LIMCH1: variants seen among roughly 807,000 people sequenced by gnomAD.
LIMCH1 encodes the protein LIM and calponin homology domains 1, also known as LIM and calponin homology domains-containing protein 1.
LIMCH1 carries 113 observed loss-of-function variants against 176.5 expected under a neutral mutation model. The observed-to-expected ratio is 0.64, with a 90% CI of 0.55 to 0.75. The LOEUF (loss-of-function observed/expected upper bound fraction) is 0.75. Ranked by LOEUF, LIMCH1 falls within the 30% of genes least tolerant of loss-of-function variation. The pLI, the probability that LIMCH1 is intolerant of heterozygous loss-of-function variation, is 0.00. For missense variants in LIMCH1, 1,674 were observed against 1,814.9 expected, an observed-to-expected ratio of 0.92 and a Z score of 1.41; for synonymous variants, 619 against 645.9, an observed-to-expected ratio of 0.96 and a Z score of 0.63.
At chr4:41,682,569 G>C (rs1231623507) in intron 26 of LIMCH1, 109 bp downstream of exon 26, 8 of 989,220 alleles carry the variant, frequency 8.1e-6, no homozygotes, top group Non-Finnish European at 1.2e-5. Context: ...GCTTCGAAAT[G>C]AATGTTCCAG....
intron 1 of LIMCH1, among the ~76,000 whole-genome samples, chr4:41,565,308 C>A (rs1032927242): frequency 4.0e-5 from 6 of 148,560 alleles, no homozygotes; most frequent in African/African-American, 1.5e-4. Context: ...CATGGGTTGG[C>A]ATCTTAGGAA....
intron 2 of LIMCH1, among the ~76,000 whole-genome samples, chr4:41,601,673 T>C (rs1447257470): frequency 6.6e-6 from 1 of 152,192 alleles, no homozygotes; most frequent in Non-Finnish European, 1.5e-5. Context: ...CATAAAGAAT[T>C]TTATCTTAAA....
chr4:41,594,140 G>T (rs1441058022), intron 1 of LIMCH1, among the ~76,000 whole-genome samples: 4 of 152,184 alleles, frequency 2.6e-5, no homozygotes, highest in Non-Finnish European at 4.4e-5. Context: ...ATCATCCAAT[G>T]TGCAGTTTAT....
intron 1 of LIMCH1, among the ~76,000 whole-genome samples, chr4:41,581,805 C>CAAAAAAAAAAAAAAAAAAAAAAAA (rs56150312): frequency 2.6e-4 from 20 of 76,184 alleles, no homozygotes; most frequent in Admixed American, 3.5e-4. Context: ...GACTCTGTCT[C>CAAAAAAAAAAAAAAAAAAAAAAAA]AAAAAAAAAA....
At chr4:41,453,297 C>T (rs1011459365) in intron 1 of LIMCH1, among the ~76,000 whole-genome samples, 25 of 152,184 alleles carry the variant, frequency 1.6e-4, no homozygotes, top group African/African-American at 5.8e-4. Flanking sequence ...CTGAACCCCA[C>T]CTAGTCAAAA....
intron 13 of LIMCH1, among the ~76,000 whole-genome samples, chr4:41,634,516 G>A (rs1275489700): frequency 6.6e-6 from 1 of 152,198 alleles, no homozygotes; most frequent in Non-Finnish European, 1.5e-5. Context: ...GGCAGAGTGG[G>A]AGGCAAGGAG....
chr4:41,530,894 C>T (rs1209319671), intron 3 of LIMCH1, among the ~76,000 whole-genome samples: 1 of 130,600 alleles, frequency 7.7e-6, no homozygotes, highest in Non-Finnish European at 1.5e-5. Flanking sequence ...AAAGTTACCA[C>T]AGTGATAACC....
chr4:41,585,986 C>T lies in LIMCH1; in HGVS notation c.-240-12934C>T, dbSNP rs574257365. On this transcript the variant is annotated intron_variant, in intron 1 of 31. Transcript: ENST00000503057. ...ATAAAAGTTTTTAAATGCTTCACTT[C>T]GCTTCTCTTCTGTCTTCTTTTCTCT... 4.0e-5 allele frequency among the ~76,000 whole-genome samples: 6 copies of T among 149,814 alleles called. No homozygotes were observed. The East Asian group carries it at 7.7e-4, about 19-fold the overall frequency.
chr4:41,538,448 T>A (rs904967257), intron 1 of LIMCH1, 98 bp downstream of exon 1: 3 of 694,952 alleles, frequency 4.3e-6, no homozygotes, highest in Admixed American at 1.3e-4. Context: ...TAAAAAAAAG[T>A]GACTTTTTAT....
intron 18 of LIMCH1, among the ~76,000 whole-genome samples, chr4:41,651,915 G>A (rs536838358): frequency 6.6e-6 from 1 of 152,302 alleles, no homozygotes; most frequent in East Asian, 1.9e-4. Flanking sequence ...AAAGACTCAT[G>A]CTGGTTTCAC....
chr4:41,613,193 CTT>C (rs199600927), intron 4 of LIMCH1: 24 of 965,412 alleles, frequency 2.5e-5, no homozygotes, highest in Admixed American at 1.3e-4. Flanking sequence ...TTTCTCTACT[CTT>C]TTTTTTTTAA....
chr4:41,551,931 G>A (rs369349062), intron 1 of LIMCH1, among the ~76,000 whole-genome samples: 42 of 152,212 alleles, frequency 2.8e-4, no homozygotes, highest in Non-Finnish European at 4.6e-4. Context: ...GTCTGTTCTC[G>A]TGCTGCTAAT....
intron 1 of LIMCH1, among the ~76,000 whole-genome samples, chr4:41,559,522 C>T (rs1256797178): frequency 6.6e-6 from 1 of 152,122 alleles, no homozygotes; most frequent in Non-Finnish European, 1.5e-5. Context: ...GCTGCATCCT[C>T]CGACTCCCGT....
intron 1 of LIMCH1, among the ~76,000 whole-genome samples, chr4:41,484,801 T>G (rs578052286): frequency 6.6e-6 from 1 of 152,334 alleles, no homozygotes; most frequent in African/African-American, 2.4e-5. Flanking sequence ...GAATCTCCTC[T>G]TAAGATCATT....
At position 41,644,566 on chromosome 4, in the gene LIMCH1, C is replaced by T; in HGVS notation, c.2193C>T (p.Arg731=). Residue 731 remains arginine (R), a synonymous_variant, in exon 15 of 32, where the codon CGC becomes CGT. Transcript: ENST00000503057. ...EAAVQPHSRA[R]QEQLQLINNQ... is the part of the protein sequence containing the mutation. ...CGGTGCAGCCGCACAGCAGGGCCCG[C>T]CAGGAGCAGCTGCAGCTGATAAATA... 6.2e-7 allele frequency: 1 copy of T among 1,608,944 alleles called. No individual in the cohort carries two copies. Among genetic ancestry groups the T allele is most frequent in the Non-Finnish European group, 8.5e-7 (1 of 1,177,912 alleles).
chr4:41,542,583 T>A (rs2078814632), intron 1 of LIMCH1, among the ~76,000 whole-genome samples: 3 of 152,168 alleles, frequency 2.0e-5, no homozygotes, highest in Non-Finnish European at 4.4e-5. Flanking sequence ...TGTTTCTTGA[T>A]TTTTTTGCCT....
intron 12 of LIMCH1, among the ~76,000 whole-genome samples, chr4:41,633,318 C>T (rs1375574949): frequency 6.6e-6 from 1 of 152,132 alleles, no homozygotes; most frequent in Non-Finnish European, 1.5e-5. Context: ...AAATTTCATT[C>T]TCAGGACTCA....
intron 1 of LIMCH1, among the ~76,000 whole-genome samples, chr4:41,577,382 C>G (rs2152657459): frequency 6.6e-6 from 1 of 152,082 alleles, no homozygotes; most frequent in South Asian, 2.1e-4. Context: ...ATTATACATC[C>G]TAGTGTTAAC....
chr4:41,668,852 G>A (rs2094921256), intron 21 of LIMCH1, among the ~76,000 whole-genome samples: 1 of 152,170 alleles, frequency 6.6e-6, no homozygotes, highest in Non-Finnish European at 1.5e-5. Context: ...TTACATGGTG[G>A]CCAGCAAAGA....
Sources: gnomAD v4.1 joint callset for allele counts (sites outside exome capture counted in the v4.1 genomes callset) on GRCh38, gnomAD v4.1.1 for gene constraint, MANE v1.5 for transcripts, NCBI Gene and HGNC (gene_info 2026-07-23, HGNC 2026-07-21) for gene names.